CTNNBL1: variants seen among roughly 807,000 people sequenced by gnomAD.
CTNNBL1 encodes the protein catenin beta like 1.
A neutral mutation model predicts 72.7 loss-of-function variants in CTNNBL1; 31 were observed. That is an observed-to-expected ratio of 0.43 (90% CI 0.32 to 0.58). The LOEUF is 0.58. CTNNBL1 is among the 20% of genes least tolerant of loss of function. The pLI is 0.08. For synonymous variants in CTNNBL1, 240 were observed against 267.3 expected, an observed-to-expected ratio of 0.90 and a Z score of 1.00; for missense variants, 534 against 725.1, an observed-to-expected ratio of 0.74 and a Z score of 3.03.
intron 13 of CTNNBL1, among the ~76,000 whole-genome samples, chr20:37,849,879 T>A (rs2072380674): frequency 6.6e-6 from 1 of 152,248 alleles, no homozygotes; most frequent in Non-Finnish European, 1.5e-5. Context: ...AGGATGAGAA[T>A]AACAGTACCT....
intron 5 of CTNNBL1, among the ~76,000 whole-genome samples, chr20:37,760,890 T>A (rs935338405): frequency 2.0e-5 from 3 of 151,978 alleles, no homozygotes; most frequent in African/African-American, 4.8e-5. Context: ...TTTTTCAGTT[T>A]AAAAAATATT....
At chr20:37,815,563 C>T (rs2072049640) in intron 11 of CTNNBL1, among the ~76,000 whole-genome samples, 4 of 152,098 alleles carry the variant, frequency 2.6e-5, no homozygotes, top group Admixed American at 2.6e-4. Flanking sequence ...GGTGATCTGC[C>T]CCCCTCGGCC....
chr20:37,710,887 G>C (rs2072931493), intron 1 of CTNNBL1, among the ~76,000 whole-genome samples: 1 of 152,116 alleles, frequency 6.6e-6, no homozygotes, highest in Non-Finnish European at 1.5e-5. Flanking sequence ...CTTGTCTTGT[G>C]CCTGACTCTT....
intron 3 of CTNNBL1, among the ~76,000 whole-genome samples, chr20:37,740,667 T>G (rs1182345213): frequency 6.6e-6 from 1 of 152,206 alleles, no homozygotes; most frequent in African/African-American, 2.4e-5. Context: ...CCCAAAGTGC[T>G]TAGAAAATTC....
chr20:37,786,114 C>T (rs1462787363), intron 10 of CTNNBL1, among the ~76,000 whole-genome samples: 1 of 152,172 alleles, frequency 6.6e-6, no homozygotes, highest in African/African-American at 2.4e-5. Flanking sequence ...CGTGGAGTCT[C>T]TCTCTCTCTC....
At position 37,757,639 on chromosome 20, in the gene CTNNBL1, G is replaced by A. The variant is rs2073376909; in HGVS notation, c.547G>A (p.Val183Met). 3 of 1,613,382 alleles carry A rather than the reference G, an allele frequency of 1.9e-6. No individual in the cohort carries two copies. The highest frequency in any genetic ancestry group is 2.5e-6 in the Non-Finnish European group (3 of 1,179,560). Reference sequence around the variant, plus strand: ...CCATGAGAGTGAAGAGGGAGCAGAAGTGCTCATCGATGCTCTGGTAAGTTG... The same window carrying A: ...CCATGAGAGTGAAGAGGGAGCAGAAATGCTCATCGATGCTCTGGTAAGTTG... ...TLHESEEGAE[V>M]LIDALVDGQV... Residue 183 changes from valine to methionine, a missense_variant, in exon 5 of 16, where the codon GTG (valine) becomes ATG (methionine). Coordinates refer to ENST00000361383, the MANE Select transcript of CTNNBL1 (RefSeq NM_030877.5).
rs115001344 is a variant in CTNNBL1 at position 37,700,907 on chromosome 20, A to G, written c.30+6755A>G. 9.9e-3 allele frequency among the ~76,000 whole-genome samples: 1,507 copies of G among 152,308 alleles called. 27 individuals are homozygous for G. Among genetic ancestry groups the G allele is most frequent in the African/African-American group, 0.035 (1,436 of 41,558 alleles). On this transcript the variant is annotated intron_variant, in intron 1 of 15. Coordinates refer to ENST00000361383, the MANE Select transcript of CTNNBL1 (RefSeq NM_030877.5). ...TGTCCTCTATCAGTAATATCTTAGC[A>G]TATCTCTTGGATTGCAGGAGCTTAC...
In CTNNBL1 at chr20:37,779,330, G is replaced by C; in HGVS notation, c.1026G>C (p.Met342Ile). The change falls in exon 10 of 16, where the codon ATG becomes ATC. Residue 342 changes from methionine (M) to isoleucine (I), a missense_variant. Transcript: ENST00000361383. ...KGEGLQLMNL[M>I]LREKKISRSS... ...AGGGTCTTCAGCTGATGAATCTCAT[G>C]CTCAGGTATGTTTCGAATGCCCTAG... 6.2e-7 allele frequency: 1 copy of C among 1,613,452 alleles called. No individual in the cohort carries two copies. The highest frequency in any genetic ancestry group is 8.5e-7 in the Non-Finnish European group (1 of 1,179,536).
intron 1 of CTNNBL1, among the ~76,000 whole-genome samples, chr20:37,698,900 G>C (rs1341499569): frequency 1.3e-5 from 2 of 152,094 alleles, no homozygotes; most frequent in Admixed American, 6.6e-5. Context: ...TTAAAAATCA[G>C]CTGGGCATGG....
chr20:37,706,816 T>C (rs1600433476), intron 1 of CTNNBL1, among the ~76,000 whole-genome samples: 1 of 152,232 alleles, frequency 6.6e-6, no homozygotes, highest in African/African-American at 2.4e-5. Context: ...ATGGCAGCTA[T>C]AGACTTATGA....
At chr20:37,844,343 G>A (rs2072329425) in intron 13 of CTNNBL1, among the ~76,000 whole-genome samples, 1 of 152,154 alleles carries the variant, frequency 6.6e-6, no homozygotes, top group Admixed American at 6.5e-5. Flanking sequence ...CCTATAAAGT[G>A]ATACTAGCCA....
intron 13 of CTNNBL1, among the ~76,000 whole-genome samples, 175 bp downstream of exon 13, chr20:37,842,594 G>A (rs1050921099): frequency 2.0e-5 from 3 of 152,204 alleles, no homozygotes; most frequent in African/African-American, 7.2e-5. Flanking sequence ...TGACACGAAT[G>A]ACACCCTTTC....
intron 10 of CTNNBL1, among the ~76,000 whole-genome samples, chr20:37,799,085 C>G (rs2073802053): frequency 6.6e-6 from 1 of 152,170 alleles, no homozygotes; most frequent in African/African-American, 2.4e-5. Context: ...ATGCTTCTCT[C>G]AAATAGGCCT....
At chr20:37,785,007 A>G (rs537960347) in intron 10 of CTNNBL1, among the ~76,000 whole-genome samples, 1 of 152,324 alleles carries the variant, frequency 6.6e-6, no homozygotes, top group East Asian at 1.9e-4. Context: ...TTCACTAGAT[A>G]TACTATTCTA....
chr20:37,701,170 A>G (rs2072838586), intron 1 of CTNNBL1, among the ~76,000 whole-genome samples: 1 of 152,036 alleles, frequency 6.6e-6, no homozygotes, highest in African/African-American at 2.4e-5. Flanking sequence ...TGCCAGGAAT[A>G]TTTTCTGTGT....
intron 10 of CTNNBL1, among the ~76,000 whole-genome samples, chr20:37,783,989 T>C (rs2073649623): frequency 6.6e-6 from 1 of 152,182 alleles, no homozygotes; most frequent in South Asian, 2.1e-4. Context: ...TGTCTCTCCC[T>C]TTAGCTCTAA....
At chr20:37,829,295 A>G (rs185174328) in intron 11 of CTNNBL1, among the ~76,000 whole-genome samples, 2 of 152,202 alleles carry the variant, frequency 1.3e-5, no homozygotes, top group Admixed American at 6.5e-5. Flanking sequence ...GCCCTGCAAG[A>G]TCTTGCCAAG....
At chr20:37,744,083 A>C (rs1409930858) in intron 3 of CTNNBL1, among the ~76,000 whole-genome samples, 2 of 152,168 alleles carry the variant, frequency 1.3e-5, no homozygotes, top group African/African-American at 4.8e-5. Flanking sequence ...TAATTTCCTT[A>C]ATATACGGTG....
intron 11 of CTNNBL1, among the ~76,000 whole-genome samples, chr20:37,817,165 T>A (rs754594320): frequency 1.3e-5 from 2 of 152,228 alleles, no homozygotes; most frequent in African/African-American, 2.4e-5. Flanking sequence ...CCCCAAAGCC[T>A]GTATTCTTGA....
Sources: allele counts gnomAD v4.1 joint callset (sites outside exome capture counted in the v4.1 genomes callset), GRCh38; gene constraint gnomAD v4.1.1; transcripts MANE v1.5; gene names NCBI Gene and HGNC (gene_info 2026-07-23, HGNC 2026-07-21).